Variants in PARVB observed in about 807,000 individuals in gnomAD.
The protein encoded by PARVB is beta-parvin.
In PARVB, 46 loss-of-function variants were observed where a neutral mutation model predicts 47.0. The observed-to-expected ratio is 0.98, with a 90% CI of 0.77 to 1.25. PARVB has a LOEUF of 1.25. Ranked by LOEUF, PARVB falls within the 50% of genes most tolerant of loss-of-function variation. The pLI, the probability that PARVB is intolerant of heterozygous loss-of-function variation, is 0.00. For synonymous variants in PARVB, 196 were observed against 196.3 expected, an observed-to-expected ratio of 1.00 and a Z score of 0.01; for missense variants, 473 against 471.6, an observed-to-expected ratio of 1.00 and a Z score of -0.03.
intron 1 of PARVB, among the ~76,000 whole-genome samples, chr22:44,032,728 C>T (rs149853436): frequency 3.3e-5 from 5 of 152,212 alleles, no homozygotes; most frequent in Admixed American, 1.3e-4. Context: ...AGAGCTGGTA[C>T]GTGGTACAGC....
intron 4 of PARVB, among the ~76,000 whole-genome samples, chr22:44,122,528 C>G (rs5764545): frequency 0.15 from 8,116 of 53,800 alleles, 567 homozygotes; most frequent in Middle Eastern, 0.26. Context: ...GACAGAGAGA[C>G]AGAGAGAGAG....
At chr22:44,161,125 G>A (rs2054042226) in intron 11 of PARVB, among the ~76,000 whole-genome samples, 1 of 152,082 alleles carries the variant, frequency 6.6e-6, no homozygotes, top group African/African-American at 2.4e-5. Flanking sequence ...GTGTGTGTGT[G>A]TGTGCACGTG....
chr22:44,012,894 CT>C (rs35313642), intron 2 of PARVB, among the ~76,000 whole-genome samples: 77,834 of 148,100 alleles, frequency 0.53, 20,415 homozygotes, highest in East Asian at 0.75. Context: ...ATTTATTTAA[CT>C]TTTTTTTTTT....
At chr22:44,134,896 A>C (rs1322047233) in intron 6 of PARVB, among the ~76,000 whole-genome samples, 1 of 152,216 alleles carries the variant, frequency 6.6e-6, no homozygotes, top group Non-Finnish European at 1.5e-5. Context: ...TCATGTCTAC[A>C]ATCCTAGACC....
intron 12 of PARVB, among the ~76,000 whole-genome samples, chr22:44,165,152 C>A (rs111970825): frequency 1.3e-5 from 2 of 152,246 alleles, no homozygotes; most frequent in South Asian, 4.1e-4. Context: ...CCACCATGCC[C>A]GGCTAATGTT....
chr22:44,043,862 G>A (rs529105571), intron 1 of PARVB, among the ~76,000 whole-genome samples: 5 of 152,126 alleles, frequency 3.3e-5, no homozygotes, highest in Admixed American at 6.6e-5. Flanking sequence ...GGGTGGATCC[G>A]GGACAGACAT....
chr22:44,140,468 A>AG, intron 8 of PARVB: 1 of 652,788 alleles, frequency 1.5e-6, no homozygotes, highest in Non-Finnish European at 2.9e-6. Flanking sequence ...TGAGGGTAAA[A>AG]GGGAGGGAGG....
intron 1 of PARVB, among the ~76,000 whole-genome samples, chr22:44,075,583 G>A (rs1044287293): frequency 6.6e-6 from 1 of 152,090 alleles, no homozygotes; most frequent in Admixed American, 6.5e-5. Flanking sequence ...TGAGATCCCC[G>A]TGCCCCACCT....
At chr22:44,134,612 G>C (rs889577975) in intron 6 of PARVB, among the ~76,000 whole-genome samples, 2 of 152,302 alleles carry the variant, frequency 1.3e-5, no homozygotes, top group African/African-American at 4.8e-5. Context: ...GGGGTCCTGT[G>C]AACCGGGCGC....
chr22:44,021,656 A>G (rs753663795), upstream of PARVB, among the ~76,000 whole-genome samples: 16 of 152,220 alleles, frequency 1.1e-4, no homozygotes, highest in Admixed American at 2.6e-4. Context: ...AAACCAATGC[A>G]TAAATATCAT....
intron 1 of PARVB, among the ~76,000 whole-genome samples, chr22:44,031,896 C>T (rs2050833338): frequency 1.3e-5 from 2 of 152,090 alleles, no homozygotes; most frequent in South Asian, 4.1e-4. Context: ...TCTTTTCGAA[C>T]ATGCGGTTCC....
At chr22:44,147,033 A>G (rs1290819632) in intron 8 of PARVB, 2 of 156,078 alleles carry the variant, frequency 1.3e-5, no homozygotes, top group South Asian at 2.0e-4. Context: ...TCTCTGTTCC[A>G]TATGCCCCTA....
chr22:44,168,116 A>G (rs2147197225), intron 12 of PARVB: 1 of 163,432 alleles, frequency 6.1e-6, no homozygotes, highest in Non-Finnish European at 1.4e-5. Flanking sequence ...TGAGCCCCAA[A>G]TCACGGAAGT....
At chr22:44,058,575 G>A (rs1453160307) in intron 1 of PARVB, among the ~76,000 whole-genome samples, 5 of 102,028 alleles carry the variant, frequency 4.9e-5, no homozygotes, top group African/African-American at 1.5e-4. Flanking sequence ...TTTTTTTTGA[G>A]ATGGAGTCTC....
rs201099589 is a variant in PARVB at position 44,136,513 on chromosome 22, T to A, written c.687T>A (p.Thr229=). 1.6e-4 allele frequency: 259 copies of A among 1,613,572 alleles called. No homozygotes were observed. Among genetic ancestry groups the A allele is most frequent in the Non-Finnish European group, 2.1e-4 (245 of 1,179,638 alleles). ...ACATCTCGGAGGAGCTGACCACAAC[T>A]ACAGAGTAAGTGGACCCCTGTCTTG... ...SSHISEELTT[T]TEMMMGRFER... The change falls in exon 7 of 13, where the codon ACT becomes ACA. Residue 229 remains threonine (T), a synonymous_variant. Transcript: ENST00000338758.
intron 1 of PARVB, among the ~76,000 whole-genome samples, chr22:44,082,390 A>G (rs992774224): frequency 5.9e-5 from 9 of 152,062 alleles, no homozygotes; most frequent in African/African-American, 1.9e-4. Context: ...GTGGTGGTGC[A>G]CACTTGTAAT....
At chr22:44,035,368 C>CATT (rs1390780711) in intron 1 of PARVB, among the ~76,000 whole-genome samples, 1 of 118,040 alleles carries the variant, frequency 8.5e-6, no homozygotes, top group African/African-American at 3.0e-5. Context: ...TTTCTTTTTC[C>CATT]TTTTTTTTTT....
chr22:44,161,271 T>G (rs541714136), intron 11 of PARVB, among the ~76,000 whole-genome samples: 1 of 151,182 alleles, frequency 6.6e-6, no homozygotes, highest in Admixed American at 6.6e-5. Flanking sequence ...TCAGTCCTGG[T>G]TCCATGCCTG....
chr22:44,156,032 C>G (rs1187566022), intron 10 of PARVB, among the ~76,000 whole-genome samples: 2 of 151,984 alleles, frequency 1.3e-5, no homozygotes, highest in Non-Finnish European at 2.9e-5. Context: ...CGCCTGTAAT[C>G]CCAGCTACTC....
Sources: allele counts gnomAD v4.1 joint callset (sites outside exome capture counted in the v4.1 genomes callset), GRCh38; gene constraint gnomAD v4.1.1; transcripts MANE v1.5; gene names NCBI Gene and HGNC (gene_info 2026-07-23, HGNC 2026-07-21).